The following NAA25 variants were observed in gnomAD, a reference collection of about 807,000 sequenced individuals.
The protein encoded by NAA25 is N-terminal acetyltransferase B complex subunit NAA25.
In NAA25, 30 loss-of-function variants were observed where a neutral mutation model predicts 132.5. The observed-to-expected ratio is 0.23, with a 90% CI of 0.17 to 0.31. The LOEUF (loss-of-function observed/expected upper bound fraction) is 0.31, where lower values mean the gene tolerates loss of function less well. NAA25 is among the 10% of genes least tolerant of loss of function. The probability of loss-of-function intolerance (pLI) is 1.00; values close to 1 mark genes in which losing one functional copy is unlikely to be tolerated. For missense variants in NAA25, 771 were observed against 1,150.4 expected (o/e 0.67, Z 4.77); for synonymous variants, 359 against 401.9 (o/e 0.89, Z 1.28).
intron 9 of NAA25, among the ~76,000 whole-genome samples, chr12:112,074,186 CA>C (rs1356215058): frequency 6.6e-6 from 1 of 151,716 alleles, no homozygotes; most frequent in Non-Finnish European, 1.5e-5. Context: ...ACCAAAAATA[CA>C]AAAAGTAGCT....
chr12:112,086,449 C>G (rs192951146), intron 4 of NAA25, among the ~76,000 whole-genome samples: 1 of 151,544 alleles, frequency 6.6e-6, no homozygotes, highest in East Asian at 1.9e-4. Flanking sequence ...GAGCCGAGAT[C>G]GTGCCACTGC....
At chr12:112,089,732 G>A (rs762235048) in intron 3 of NAA25, among the ~76,000 whole-genome samples, 6 of 152,112 alleles carry the variant, frequency 3.9e-5, no homozygotes, top group East Asian at 2.0e-4. Context: ...CTTGGCTCAC[G>A]GCTGTAATCC....
intron 3 of NAA25, among the ~76,000 whole-genome samples, chr12:112,088,050 T>C (rs2079079452): frequency 6.6e-6 from 1 of 152,190 alleles, no homozygotes; most frequent in Non-Finnish European, 1.5e-5. Flanking sequence ...CCTCTTTCCC[T>C]CAGCACTTTA....
intron 7 of NAA25, among the ~76,000 whole-genome samples, chr12:112,076,623 G>T (rs1211618728): frequency 6.6e-6 from 1 of 151,868 alleles, no homozygotes; most frequent in African/African-American, 2.4e-5. Flanking sequence ...GCAGATTAAG[G>T]ATACCAAAAA....
chr12:112,106,216 A>G (rs970108457), intron 1 of NAA25, among the ~76,000 whole-genome samples: 18 of 152,214 alleles, frequency 1.2e-4, no homozygotes, highest in South Asian at 4.1e-4. Context: ...TTTTGAGAAT[A>G]TAACTTGTTA....
At chr12:112,097,403 C>G (rs369718490) in intron 1 of NAA25, 1 of 151,726 alleles carries the variant, frequency 6.6e-6, no homozygotes, top group African/African-American at 2.4e-5. Flanking sequence ...GTCAGGAGAT[C>G]GAGACCATCC....
At chr12:112,032,561 A>G (rs186508654) in intron 23 of NAA25, among the ~76,000 whole-genome samples, 14 of 152,284 alleles carry the variant, frequency 9.2e-5, no homozygotes, top group Admixed American at 7.8e-4. Context: ...CAGTTTCATC[A>G]CTGGACCAAC....
At position 112,043,082 on chromosome 12, in the gene NAA25, A is replaced by G. The variant is rs2078325499; in HGVS notation, c.2374+6T>C. The G allele has an allele frequency of 1.2e-6, 2 of 1,607,564 alleles. No homozygotes were observed. Among genetic ancestry groups the G allele is most frequent in the South Asian group, 2.2e-5 (2 of 90,486 alleles). On this transcript the variant is annotated splice_donor_region_variant and intron_variant, in intron 19 of 23. Transcript: ENST00000261745. ...AAGACCCTATAAACACACAGTGTAC[A>G]CTTACCTAAACCACTGGTATCCAGC...
intron 4 of NAA25, among the ~76,000 whole-genome samples, chr12:112,083,689 G>A (rs2079004425): frequency 6.6e-6 from 1 of 152,104 alleles, no homozygotes; most frequent in African/African-American, 2.4e-5. Context: ...AAATTCCATT[G>A]ATCCCTGGGA....
At position 112,049,305 on chromosome 12, in the gene NAA25, A is replaced by AT. The variant is rs1237987385; in HGVS notation, c.1729-863dup. Reference sequence around the variant, plus strand: ...TGCCATCAGGATCAGAAGACAGGAGATTACCCCTTTGGGCCAAGGAAACTA... The same window carrying AT: ...TGCCATCAGGATCAGAAGACAGGAGATTTACCCCTTTGGGCCAAGGAAACTA... On this transcript the variant is annotated intron_variant, in intron 15 of 23. Transcript: ENST00000261745. The surrounding 1 kb of genome is among the most constrained non-coding windows in gnomAD (Gnocchi z 4.7). Among the ~76,000 whole-genome samples, 1 of 152,198 alleles carries AT rather than the reference A, an allele frequency of 6.6e-6. No homozygotes were observed. The highest frequency in any genetic ancestry group is 1.5e-5 in the Non-Finnish European group (1 of 68,028).
At chr12:112,059,815 T>TC (rs1035289219) in intron 13 of NAA25, among the ~76,000 whole-genome samples, 2 of 151,802 alleles carry the variant, frequency 1.3e-5, no homozygotes, top group Non-Finnish European at 2.9e-5. Flanking sequence ...GACAGGTTTT[T>TC]TTTTTTTTTT....
intron 11 of NAA25, among the ~76,000 whole-genome samples, chr12:112,067,307 A>C (rs2078733026): frequency 6.6e-6 from 1 of 152,236 alleles, no homozygotes; most frequent in African/African-American, 2.4e-5. Context: ...TGAAAGAGCA[A>C]ACTACAGACT....
At chr12:112,040,994 T>C (rs2078293017) in intron 20 of NAA25, among the ~76,000 whole-genome samples, 1 of 152,004 alleles carries the variant, frequency 6.6e-6, no homozygotes, top group Non-Finnish European at 1.5e-5. Flanking sequence ...TCTTAATCAT[T>C]TTCAGACATT....
chr12:112,029,709 T>C lies in NAA25; in HGVS notation c.2797-56A>G, dbSNP rs1311328588. 4.4e-6 allele frequency: 7 copies of C among 1,579,716 alleles called. No homozygotes were observed. In the Admixed American group the frequency reaches 9.1e-5, roughly 21 times the overall value. On this transcript the variant is annotated intron_variant, in intron 23 of 23. Coordinates refer to ENST00000261745, the MANE Select transcript of NAA25 (RefSeq NM_024953.4). ...TTGTTTAAAAACCATCCCCCCAGAT[T>C]CTAGTTCTCAGATAAAAGTTAAAGC...
intron 19 of NAA25, 58 bp from the exon 20 acceptor site, chr12:112,042,162 A>G (rs769608911): frequency 7.0e-6 from 6 of 861,024 alleles, no homozygotes; most frequent in Non-Finnish European, 1.0e-5. Context: ...TAAGATAAAG[A>G]AGCAAGATAA....
intron 1 of NAA25, among the ~76,000 whole-genome samples, chr12:112,093,830 C>T (rs2079172728): frequency 6.6e-6 from 1 of 150,638 alleles, no homozygotes; most frequent in Non-Finnish European, 1.5e-5. Context: ...CAGTGTGAGC[C>T]ACGGTCGTGC....
In NAA25 at chr12:112,074,109, G is replaced by C. The variant is rs116873087; in HGVS notation, c.866+566C>G. Among the ~76,000 whole-genome samples the C allele has an allele frequency of 7.9e-3, 1,204 of 152,158 alleles. 141 individuals carry two copies. The East Asian group carries it at 0.23, about 29-fold the overall frequency. ...GCACTTTGGGAGGCTGAGATGCTGA[G>C]ATGGGTGGATCACCTGAGGTCAGGA... On this transcript the variant is annotated intron_variant, in intron 9 of 23. Coordinates refer to ENST00000261745, the MANE Select transcript of NAA25 (RefSeq NM_024953.4).
At chr12:112,094,381 T>A (rs920614319) in intron 1 of NAA25, among the ~76,000 whole-genome samples, 4 of 152,168 alleles carry the variant, frequency 2.6e-5, no homozygotes, top group Non-Finnish European at 5.9e-5. Context: ...TTAATATTTT[T>A]ATCCATGGAT....
intron 5 of NAA25, 126 bp downstream of exon 5, chr12:112,080,934 C>T (rs1022181897): frequency 5.6e-5 from 46 of 822,652 alleles, no homozygotes; most frequent in Middle Eastern, 2.2e-4. Flanking sequence ...CACCACTGCA[C>T]TCCTGCCTGG....
Sources: gnomAD v4.1 joint callset for allele counts (sites outside exome capture counted in the v4.1 genomes callset) on GRCh38, gnomAD v4.1.1 for gene constraint, Gnocchi (gnomAD v3.1) non-coding constraint, MANE v1.5 for transcripts, NCBI Gene and HGNC (gene_info 2026-07-23, HGNC 2026-07-21) for gene names.